APBB3: variants seen among roughly 807,000 people sequenced by gnomAD.
The protein encoded by APBB3 is amyloid-beta A4 precursor protein-binding family B member 3.
In APBB3, 50 loss-of-function variants were observed where a neutral mutation model predicts 61.5. The observed-to-expected ratio is 0.81, with a 90% CI of 0.65 to 1.03. The LOEUF is 1.03. Ranked by LOEUF, APBB3 falls within the 50% of genes least tolerant of loss-of-function variation. The probability of loss-of-function intolerance (pLI) is 0.00; values close to 1 mark genes in which losing one functional copy is unlikely to be tolerated. For synonymous variants in APBB3, 235 were observed against 233.0 expected (o/e 1.01, Z -0.08); for missense variants, 550 against 637.4 (o/e 0.86, Z 1.48).
In APBB3 at chr5:140,558,737, G is replaced by A. The variant is rs150554513; in HGVS notation, c.1309C>T (p.Arg437Trp). The A allele has an allele frequency of 2.5e-4, 395 of 1,606,690 alleles. 2 individuals carry two copies. The South Asian group carries it at 3.9e-3, about 16-fold the overall frequency. The change falls in exon 13 of 13, where the codon CGG becomes TGG. Residue 437 changes from arginine to tryptophan, a missense_variant. By Grantham distance (101) the Arg-to-Trp change is moderately radical. Around this residue, in one of 3 missense-constraint regions of APBB3, gnomAD observed 138 missense variants for 132.6 expected, o/e 1.04. Transcript: ENST00000357560. The stretch of plus-strand genomic sequence containing the variant: ...CCTGGGGAATCCATGGAGCTGGTCC[G>A]CTTGAGCCGCAGGCGGGCACGGGCC... ...AQARARLRLK[R>W]TSSMDSPGGP...
rs1236804496 is a variant in APBB3, at chr5:140,564,062, A to T, written c.49+135T>A. On this transcript the variant is annotated intron_variant, in intron 1 of 12. Transcript: ENST00000357560. This position sits in a 1 kb window ranked among gnomAD's most constrained non-coding sequence, Gnocchi z 5.0. Reference sequence around the variant, plus strand: ...CTCAATCTTGAAGACATCACATGTAAAGACCGGGTTCATTCGCCCCCTGGT... The same window carrying T: ...CTCAATCTTGAAGACATCACATGTATAGACCGGGTTCATTCGCCCCCTGGT... 2 of 1,469,700 alleles carry T rather than the reference A, an allele frequency of 1.4e-6. No individual in the cohort carries two copies. Among genetic ancestry groups the T allele is most frequent in the African/African-American group, 2.8e-5 (2 of 71,700 alleles). 91.0% of individuals were successfully genotyped at this position (1,469,700 alleles called of 1,614,324 possible).
In APBB3 at chr5:140,560,245, G is replaced by A. The variant is rs972642998; in HGVS notation, c.1224+68C>T. On this transcript the variant is annotated intron_variant, in intron 12 of 12. Coordinates refer to ENST00000357560, the MANE Select transcript of APBB3 (RefSeq NM_133173.3). This position sits in a 1 kb window ranked among gnomAD's most constrained non-coding sequence, Gnocchi z 5.1. The stretch of plus-strand genomic sequence containing the variant: ...GATCTCTGAAGAGGCTGCCGACCCG[G>A]AGCCCAAGTAAACAGTGGAGAGCAG... 2.6e-6 allele frequency: 4 copies of A among 1,535,482 alleles called. No individual in the cohort carries two copies. In the African/African-American group the frequency reaches 4.1e-5, roughly 16 times the overall value.
At position 140,560,400 on chromosome 5, in the gene APBB3, G is replaced by A. The variant is rs1234622766; in HGVS notation, c.1137C>T (p.Asp379=). Residue 379 remains aspartate (D), a synonymous_variant, in exon 12 of 13, where the codon GAC becomes GAT. Transcript: ENST00000357560. The surrounding 1 kb of genome is among the most constrained non-coding windows in gnomAD (Gnocchi z 5.1). ...RDPHTFGLIA[D]LGRQSFQCAA... ...CGCACTGGAAGCTCTGACGGCCCAG[G>A]TCAGCGATGAGGCCAAAGGTGTGTG... is the stretch of plus-strand genomic sequence containing the variant. 6.2e-6 allele frequency: 10 copies of A among 1,614,112 alleles called. No individual in the cohort carries two copies. The highest frequency in any genetic ancestry group is 3.4e-6 in the Non-Finnish European group (4 of 1,180,054).
At position 140,558,710 on chromosome 5, in the gene APBB3, C is replaced by G. The variant is rs1205522922; in HGVS notation, c.1336G>C (p.Gly446Arg). 2 of 1,610,240 alleles carry G rather than the reference C, an allele frequency of 1.2e-6. No homozygotes were observed. Among genetic ancestry groups the G allele is most frequent in the South Asian group, 1.1e-5 (1 of 90,728 alleles). ...TTGAGCAGGGGGAGGGGCAGGGGAC[C>G]TCCTGGGGAATCCATGGAGCTGGTC... ...KRTSSMDSPGGPLPLPLLKGG... is the reference protein window; with the variant it reads ...KRTSSMDSPGRPLPLPLLKGG... The change falls in exon 13 of 13, where the codon GGT becomes CGT. Residue 446 changes from glycine to arginine, a missense_variant. Gly to Arg is a moderately radical substitution (Grantham distance 125). Around this residue, in one of 3 missense-constraint regions of APBB3, gnomAD observed 138 missense variants for 132.6 expected, o/e 1.04. Coordinates refer to ENST00000357560, the MANE Select transcript of APBB3 (RefSeq NM_133173.3).
chr5:140,560,941 AATG>A lies in APBB3; in HGVS notation c.916+74_916+76del, dbSNP rs1358724540. 5 of 1,524,866 alleles carry A rather than the reference AATG, an allele frequency of 3.3e-6. No homozygotes were observed. The East Asian group carries it at 1.1e-4, about 34-fold the overall frequency. 94.5% of individuals were successfully genotyped at this position (1,524,866 alleles called of 1,614,324 possible). ...CAAGGCCACGGGAGGACTCTTGAGA[AATG>A]ATAACAGGCCTCACCTCACTCACCT... On this transcript the variant is annotated intron_variant, in intron 10 of 12. Coordinates refer to ENST00000357560, the MANE Select transcript of APBB3 (RefSeq NM_133173.3). This position sits in a 1 kb window ranked among gnomAD's most constrained non-coding sequence, Gnocchi z 5.1.
Position 140,560,596 on chromosome 5 carries a change from T to C in APBB3, c.1032+43A>G. 1 of 1,611,160 alleles carries C rather than the reference T, an allele frequency of 6.2e-7. No individual in the cohort carries two copies. The highest frequency in any genetic ancestry group is 8.5e-7 in the Non-Finnish European group (1 of 1,177,662). ...GCAAGCAGTGACCCCTCAGCATCCC[T>C]GCTCACCCCTCCAAAGCCCCCAACT... On this transcript the variant is annotated intron_variant, in intron 11 of 12. Transcript: ENST00000357560. This position sits in a 1 kb window ranked among gnomAD's most constrained non-coding sequence, Gnocchi z 5.1.
In APBB3 at chr5:140,564,530, C is replaced by T. The variant is rs1755128563; in HGVS notation, c.-285G>A. On this transcript the variant is annotated 5_prime_UTR_variant, in exon 1 of 13. Coordinates refer to ENST00000357560, the MANE Select transcript of APBB3 (RefSeq NM_133173.3). This position sits in a 1 kb window ranked among gnomAD's most constrained non-coding sequence, Gnocchi z 5.0. ...TCCGGGGGAGGCCCACGAACGCCAG[C>T]GAAACCGCTGACACCACCGCCCAAC... 1.8e-6 allele frequency: 1 copy of T among 562,148 alleles called. No individual in the cohort carries two copies. The highest frequency in any genetic ancestry group is 2.3e-5 in the South Asian group (1 of 43,850). 34.8% of individuals were successfully genotyped at this position (562,148 alleles called of 1,614,324 possible).
At position 140,560,283 on chromosome 5, in the gene APBB3, C is replaced by A; in HGVS notation, c.1224+30G>T. 6.3e-7 allele frequency: 1 copy of A among 1,596,120 alleles called. No homozygotes were observed. Among genetic ancestry groups the A allele is most frequent in the African/African-American group, 1.4e-5 (1 of 72,770 alleles). On this transcript the variant is annotated intron_variant, in intron 12 of 12. Transcript: ENST00000357560. This position sits in a 1 kb window ranked among gnomAD's most constrained non-coding sequence, Gnocchi z 5.1. Reference sequence around the variant, plus strand: ...CAGTGGAGAGCAGCTGCAGGGCAATCCCACCAACCCATTCCCACCCATGAC... The same window carrying A: ...CAGTGGAGAGCAGCTGCAGGGCAATACCACCAACCCATTCCCACCCATGAC...
chr5:140,560,641 G>A lies in APBB3; in HGVS notation c.1030C>T (p.Gln344Ter). The A allele has an allele frequency of 6.2e-7, 1 of 1,614,018 alleles. No individual in the cohort carries two copies. Among genetic ancestry groups the A allele is most frequent in the Non-Finnish European group, 8.5e-7 (1 of 1,179,910 alleles). Residue 344 changes from glutamine (Q) to a stop codon, truncating the protein, a stop_gained and splice_region_variant, in exon 11 of 13, where the codon CAG (glutamine) becomes TAG (stop). Coordinates refer to ENST00000357560, the MANE Select transcript of APBB3 (RefSeq NM_133173.3). LOFTEE classifies it high-confidence loss of function. This position sits in a 1 kb window ranked among gnomAD's most constrained non-coding sequence, Gnocchi z 5.1. ...CCAACTTCACCCTCTTCTGGTACCT[G>A]AATGGGGTGTGCAGTCATGAGAGAG... Reference protein sequence around the residue: ...SDSLMTAHPIQAEASTEEEPL... With the variant: ...SDSLMTAHPI
chr5:140,561,160 T>C, intron 9 of APBB3, 59 bp from the exon 10 acceptor site: 1 of 1,593,086 alleles, frequency 6.3e-7, no homozygotes, highest in Non-Finnish European at 8.6e-7. Context: ...TTCCCCACCC[T>C]TCTCAATGGG....
intron 12 of APBB3, among the ~76,000 whole-genome samples, chr5:140,559,542 G>C (rs1160332162): frequency 7.2e-5 from 11 of 152,162 alleles, no homozygotes; most frequent in Admixed American, 7.2e-4. Flanking sequence ...CATTCTCTCT[G>C]ATCTCACCTC....
At chr5:140,562,802 C>G in intron 3 of APBB3, 79 bp from the exon 4 acceptor site, 2 of 1,434,658 alleles carry the variant, frequency 1.4e-6, no homozygotes, top group Non-Finnish European at 2.0e-6. Flanking sequence ...ACTTGATAAG[C>G]ACAGGATGAG....
chr5:140,563,719 T>C (rs371661581), intron 2 of APBB3, 33 bp downstream of exon 2: 2 of 1,613,894 alleles, frequency 1.2e-6, no homozygotes, highest in African/African-American at 2.7e-5. Flanking sequence ...GGTCCACACA[T>C]GGGCTCAGAC....
At chr5:140,558,864 C>G (rs576070968) in intron 12 of APBB3, 43 bp from the exon 13 acceptor site, 1 of 1,566,848 alleles carries the variant, frequency 6.4e-7, no homozygotes, top group Admixed American at 1.7e-5. Flanking sequence ...CTTTCTGCCT[C>G]TAGACTCCCT....
intron 3 of APBB3, 171 bp downstream of exon 3, chr5:140,563,423 A>G: frequency 1.4e-6 from 1 of 719,536 alleles, no homozygotes; most frequent in East Asian, 2.7e-5. Flanking sequence ...AACAAGGGAT[A>G]AAACTCAAAA....
At position 140,563,915 on chromosome 5, in the gene APBB3, T is replaced by A; in HGVS notation, c.50A>T (p.Asp17Val). The change falls in exon 2 of 13, where the codon GAT (aspartate) becomes GTT (valine). Residue 17 changes from aspartate to valine, a missense_variant and splice_region_variant. Transcript: ENST00000357560. Reference protein sequence around the residue: ...MLAIILVNCDDDLWGDHSLEV... With the variant: ...MLAIILVNCDVDLWGDHSLEV... The stretch of plus-strand genomic sequence containing the variant: ...CAGACTGTGGTCCCCCCACAAGTCA[T>A]CTACAGGAACACCGGATTAGAGAGG... The A allele has an allele frequency of 6.2e-7, 1 of 1,613,328 alleles. No homozygotes were observed. Among genetic ancestry groups the A allele is most frequent in the Non-Finnish European group, 8.5e-7 (1 of 1,179,810 alleles).
Position 140,560,110 on chromosome 5 carries a change from C to T in APBB3, c.1224+203G>A, listed in dbSNP as rs1304537052. Among the ~76,000 whole-genome samples, 1 of 152,144 alleles carries T rather than the reference C, an allele frequency of 6.6e-6. No homozygotes were observed. The highest frequency in any genetic ancestry group is 2.4e-5 in the African/African-American group (1 of 41,424). On this transcript the variant is annotated intron_variant, in intron 12 of 12. Coordinates refer to ENST00000357560, the MANE Select transcript of APBB3 (RefSeq NM_133173.3). This position sits in a 1 kb window ranked among gnomAD's most constrained non-coding sequence, Gnocchi z 5.1. ...GATATTTTAAGAAAAACAAGAATAG[C>T]GATTATTATGTGAAATGTCCTGGCC...
Position 140,564,401 on chromosome 5 carries a change from C to T in APBB3, c.-156G>A. 3.5e-6 allele frequency: 3 copies of T among 863,312 alleles called. No homozygotes were observed. The highest frequency in any genetic ancestry group is 2.7e-5 in the East Asian group (1 of 37,498). The allele number at this position is 863,312 out of a possible 1,614,324, so 53.5% of individuals were successfully genotyped here. A position where few individuals can be genotyped will look rare whatever the true frequency, so the allele number is the denominator to read the frequency against. On this transcript the variant is annotated 5_prime_UTR_variant, in exon 1 of 13. The change creates a new upstream start codon in the 5' untranslated region. Transcript: ENST00000357560. The surrounding 1 kb of genome is among the most constrained non-coding windows in gnomAD (Gnocchi z 5.0). ...ACGGGGCGGGACACGGGGCGGGACA[C>T]GGGCCGGTCCCGGGGGAGGGCCTGA...
At position 140,561,369 on chromosome 5, in the gene APBB3, C is replaced by T. The variant is rs1754945727; in HGVS notation, c.828G>A (p.Arg276=). The T allele has an allele frequency of 6.2e-7, 1 of 1,614,212 alleles. No homozygotes were observed. Among genetic ancestry groups the T allele is most frequent in the Non-Finnish European group, 8.5e-7 (1 of 1,180,032 alleles). The change falls in exon 9 of 13, where the codon CGG becomes CGA. Residue 276 remains arginine (R), a synonymous_variant. Coordinates refer to ENST00000357560, the MANE Select transcript of APBB3 (RefSeq NM_133173.3). ...PDPISPEDLP[R]QVELLDAVSQ... ...GCAGGTCTCCCCTCCCCATACCTTG[C>T]CGTGGCAGGTCTTCAGGAGAGATGG...
Sources: allele counts gnomAD v4.1 joint callset (sites outside exome capture counted in the v4.1 genomes callset), GRCh38; gene constraint gnomAD v4.1.1; regional missense constraint gnomAD v4.1.1; non-coding constraint Gnocchi (gnomAD v3.1); transcripts MANE v1.5; gene names NCBI Gene and HGNC (gene_info 2026-07-23, HGNC 2026-07-21).